Variants in GOLIM4 observed in about 807,000 individuals in gnomAD.
GOLIM4 encodes 130 kDa golgi-localized phosphoprotein.
In GOLIM4, 71 loss-of-function variants were observed where a neutral mutation model predicts 107.4. The observed-to-expected ratio is 0.66, with a 90% CI of 0.55 to 0.81. GOLIM4 has a LOEUF of 0.81. GOLIM4 is among the 30% of genes least tolerant of loss of function. The pLI is 0.00. For synonymous variants in GOLIM4, 327 were observed against 294.8 expected (o/e 1.11, Z -1.12); for missense variants, 830 against 826.1 (o/e 1.00, Z -0.06).
At chr3:168,062,462 G>A (rs1252855967) in intron 1 of GOLIM4, among the ~76,000 whole-genome samples, 1 of 151,720 alleles carries the variant, frequency 6.6e-6, no homozygotes, top group Non-Finnish European at 1.5e-5. Context: ...CAACTGTGAG[G>A]ACACATTCCT....
At chr3:168,013,723 G>A (rs1281631659) in intron 14 of GOLIM4, among the ~76,000 whole-genome samples, 2 of 151,602 alleles carry the variant, frequency 1.3e-5, no homozygotes, top group Non-Finnish European at 2.9e-5. Flanking sequence ...CTAGAACTCA[G>A]GATTAAGAAT....
chr3:168,094,965 C>T (rs1295234217), intron 1 of GOLIM4, 134 bp downstream of exon 1: 16 of 642,286 alleles, frequency 2.5e-5, no homozygotes, highest in Non-Finnish European at 3.8e-5. Context: ...AGTCCTGAAA[C>T]GCTCACCTCT....
At position 168,010,822 on chromosome 3, in the gene GOLIM4, AC is replaced by A; in HGVS notation, c.1861del (p.Val621PhefsTer5). 6.2e-7 allele frequency: 1 copy of A among 1,603,806 alleles called. No individual in the cohort carries two copies. On this transcript the variant is annotated frameshift_variant and splice_region_variant, in exon 15 of 16. Transcript: ENST00000470487. LOFTEE classifies it high-confidence loss of function. ...TTTCTCTTCAGTCAAATCTTCCTGA[AC>A]CTAAAACAAACCACAGATATCATTT... ...EQYQEEAEEE[V>X]QEDLTEEKKR...
chr3:168,061,917 T>C (rs1183017094), intron 1 of GOLIM4, among the ~76,000 whole-genome samples: 3 of 152,184 alleles, frequency 2.0e-5, no homozygotes, highest in Non-Finnish European at 4.4e-5. Context: ...GCTACACTGT[T>C]TGCTTTGTGA....
chr3:168,043,890 G>C (rs1197872189), intron 4 of GOLIM4, among the ~76,000 whole-genome samples: 3 of 152,148 alleles, frequency 2.0e-5, no homozygotes, highest in Non-Finnish European at 2.9e-5. Flanking sequence ...TTCCTCTTTC[G>C]ATCTGATGTT....
At chr3:168,027,649 C>CT in intron 12 of GOLIM4, 79 bp downstream of exon 12, 1 of 827,216 alleles carries the variant, frequency 1.2e-6, no homozygotes, top group East Asian at 2.4e-5. Context: ...GGGCTGAAGG[C>CT]TGGCATCAGG....
chr3:168,066,676 T>A (rs1179158276), intron 1 of GOLIM4, among the ~76,000 whole-genome samples: 1 of 152,176 alleles, frequency 6.6e-6, no homozygotes, highest in African/African-American at 2.4e-5. Flanking sequence ...TTACAGTTTA[T>A]ATACAAATAA....
chr3:168,029,792 T>C lies in GOLIM4; in HGVS notation c.1421A>G (p.Gln474Arg). ...AELEEGRPQH[Q>R]EQLRQQAHYD... is the part of the protein sequence containing the mutation. Reference sequence around the variant, plus strand: ...AGGGGAAGGCTACCGGAGCTGCTCCTGGTGCTGCGGCCGGCCCTCCTCAAG... The same window carrying C: ...AGGGGAAGGCTACCGGAGCTGCTCCCGGTGCTGCGGCCGGCCCTCCTCAAG... Residue 474 changes from glutamine (Q) to arginine (R), a missense_variant, in exon 10 of 16, where the codon CAG becomes CGG. Coordinates refer to ENST00000470487, the MANE Select transcript of GOLIM4 (RefSeq NM_014498.5). 1 of 1,613,708 alleles carries C rather than the reference T, an allele frequency of 6.2e-7. No homozygotes were observed. Among genetic ancestry groups the C allele is most frequent in the Non-Finnish European group, 8.5e-7 (1 of 1,179,964 alleles).
chr3:168,062,167 G>A (rs1482148996), intron 1 of GOLIM4, among the ~76,000 whole-genome samples: 1 of 152,086 alleles, frequency 6.6e-6, no homozygotes, highest in East Asian at 1.9e-4. Context: ...ATGCATGTCT[G>A]ACATCTGTGT....
chr3:168,095,494 T>G lies in GOLIM4; in HGVS notation c.-209A>C. On this transcript the variant is annotated 5_prime_UTR_variant, in exon 1 of 16. Transcript: ENST00000470487. Reference sequence around the variant, plus strand: ...CAGCCATCGACGCCGCCCGGGCAGCTGCAGCCAAACTTCTGCGAGGCTCGT... The same window carrying G: ...CAGCCATCGACGCCGCCCGGGCAGCGGCAGCCAAACTTCTGCGAGGCTCGT... The G allele has an allele frequency of 3.8e-6, 2 of 521,814 alleles. No individual in the cohort carries two copies. The highest frequency in any genetic ancestry group is 2.1e-5 in the African/African-American group (1 of 48,696). The allele number at this position is 521,814 out of a possible 1,614,324, so 32.3% of individuals were successfully genotyped here.
At chr3:168,084,791 A>G (rs1721541971) in intron 1 of GOLIM4, among the ~76,000 whole-genome samples, 1 of 152,212 alleles carries the variant, frequency 6.6e-6, no homozygotes, top group Non-Finnish European at 1.5e-5. Flanking sequence ...TGCCTCGAAC[A>G]CACTCTACAT....
intron 1 of GOLIM4, among the ~76,000 whole-genome samples, chr3:168,048,931 A>G (rs1189861025): frequency 1.3e-5 from 2 of 152,172 alleles, no homozygotes; most frequent in Admixed American, 1.3e-4. Context: ...ACGTCAAGGA[A>G]AACAGACTAG....
intron 14 of GOLIM4, among the ~76,000 whole-genome samples, chr3:168,011,518 A>C (rs893836316): frequency 1.1e-4 from 16 of 151,800 alleles, no homozygotes; most frequent in African/African-American, 3.7e-4. Flanking sequence ...GCAGTGGGGA[A>C]GCTCCAACTG....
intron 7 of GOLIM4, among the ~76,000 whole-genome samples, chr3:168,038,997 G>A (rs939324158): frequency 3.9e-5 from 6 of 152,114 alleles, no homozygotes; most frequent in African/African-American, 1.2e-4. Context: ...GAAGAAGAGG[G>A]CCCTTACCAG....
Position 168,010,149 on chromosome 3 carries a change from T to TA in GOLIM4, c.*119dup. ...ATGCGCATTTCTAATACAAAAGTTTTAAAAAAGTCTAAGTTCTTAATTTTT... is the reference window on the plus strand; with the variant it reads ...ATGCGCATTTCTAATACAAAAGTTTTAAAAAAAGTCTAAGTTCTTAATTTTT... On this transcript the variant is annotated 3_prime_UTR_variant, in exon 16 of 16. Transcript: ENST00000470487. 1.1e-6 allele frequency: 1 copy of TA among 875,804 alleles called. No individual in the cohort carries two copies. The highest frequency in any genetic ancestry group is 1.7e-6 in the Non-Finnish European group (1 of 584,288). The allele number at this position is 875,804 out of a possible 1,614,324, so 54.3% of individuals were successfully genotyped here.
At chr3:168,011,217 A>G (rs1171193946) in intron 14 of GOLIM4, among the ~76,000 whole-genome samples, 26 of 149,706 alleles carry the variant, frequency 1.7e-4, no homozygotes, top group Non-Finnish European at 7.4e-5. Context: ...AGGGCGAGGC[A>G]TTGTCTCACT....
At chr3:168,092,429 T>C (rs1442740751) in intron 1 of GOLIM4, among the ~76,000 whole-genome samples, 2 of 152,202 alleles carry the variant, frequency 1.3e-5, no homozygotes, top group Non-Finnish European at 2.9e-5. Context: ...ACTTGTTAAC[T>C]TGGGGTTACA....
Position 168,012,020 on chromosome 3 carries a change from C to T in GOLIM4, c.1861-1197G>A, listed in dbSNP as rs192977938. On this transcript the variant is annotated intron_variant, in intron 14 of 15. Coordinates refer to ENST00000470487, the MANE Select transcript of GOLIM4 (RefSeq NM_014498.5). ...CCAAAGGAACACAGTTCCTCACCAG[C>T]AACAGAACAAAGCTGGATGGAGAAT... Among the ~76,000 whole-genome samples the T allele has an allele frequency of 5.0e-4, 71 of 141,828 alleles. 1 individual carries two copies. Among genetic ancestry groups the T allele is most frequent in the African/African-American group, 1.7e-3 (54 of 32,406 alleles). The allele number at this position is 141,828 out of a possible 152,430, so 93.0% of individuals were successfully genotyped here.
At chr3:168,078,652 C>T (rs1475846754) in intron 1 of GOLIM4, among the ~76,000 whole-genome samples, 1 of 152,090 alleles carries the variant, frequency 6.6e-6, no homozygotes, top group East Asian at 1.9e-4. Context: ...AGCATTTTTC[C>T]AGAGGTAGCA....
Sources: allele counts gnomAD v4.1 joint callset (sites outside exome capture counted in the v4.1 genomes callset), GRCh38; gene constraint gnomAD v4.1.1; transcripts MANE v1.5; gene names NCBI Gene and HGNC (gene_info 2026-07-23, HGNC 2026-07-21).